HERC1: variants seen among roughly 807,000 people sequenced by gnomAD.
HERC1 encodes the protein probable E3 ubiquitin-protein ligase HERC1.
A neutral mutation model predicts 554.3 loss-of-function variants in HERC1; 160 were observed. The ratio of observed to expected loss-of-function variants is 0.29; its 90% CI spans 0.25 to 0.33. The LOEUF is 0.33. Among genes scored for constraint, HERC1 ranks in the 10% least tolerant of loss-of-function variants. The pLI, the probability that HERC1 is intolerant of heterozygous loss-of-function variation, is 1.00. For synonymous variants in HERC1, 2,175 were observed against 2,131.7 expected (o/e 1.02, Z -0.56); for missense variants, 4,919 against 5,918.5 (o/e 0.83, Z 5.54).
intron 1 of HERC1, among the ~76,000 whole-genome samples, chr15:63,822,748 T>C (rs892056985): frequency 2.0e-5 from 3 of 152,142 alleles, no homozygotes; most frequent in African/African-American, 4.8e-5. Context: ...GAGACTATTA[T>C]AATTACCCAC....
chr15:63,761,586 CAAAAA>C (rs11301389), intron 3 of HERC1, among the ~76,000 whole-genome samples: 1 of 119,248 alleles, frequency 8.4e-6, no homozygotes, highest in African/African-American at 3.1e-5. Context: ...AAGACTGTCT[CAAAAA>C]AAAAAAAAAA....
At chr15:63,655,579 C>G (rs993542510) in intron 50 of HERC1, among the ~76,000 whole-genome samples, 163 bp downstream of exon 50, 5 of 152,138 alleles carry the variant, frequency 3.3e-5, no homozygotes, top group African/African-American at 9.7e-5. Context: ...ATTTTCTAAT[C>G]TTTGTTTCCA....
rs74988373 is a variant in HERC1 at position 63,753,308 on chromosome 15, A to G, written c.1775-223T>C. Among the ~76,000 whole-genome samples the G allele has an allele frequency of 0.012, 1,844 of 152,304 alleles. 39 individuals carry two copies. The highest frequency in any genetic ancestry group is 0.043 in the African/African-American group (1,775 of 41,554). The stretch of plus-strand genomic sequence containing the variant: ...TATATCTTAATTTCAAGCAATTAAA[A>G]TCAAGCAATTTAAAATCACTTTAAA... On this transcript the variant is annotated intron_variant, in intron 7 of 77. Transcript: ENST00000443617.
chr15:63,638,994 T>C (rs531249876), intron 61 of HERC1, among the ~76,000 whole-genome samples: 8 of 152,352 alleles, frequency 5.3e-5, no homozygotes, highest in South Asian at 4.1e-4. Context: ...ACTATCACTA[T>C]GGCATTGGTG....
At chr15:63,724,411 C>T (rs540128058) in intron 18 of HERC1, among the ~76,000 whole-genome samples, 2 of 152,320 alleles carry the variant, frequency 1.3e-5, no homozygotes, top group East Asian at 1.9e-4. Flanking sequence ...TGAATGTACA[C>T]TCATATTTGG....
At chr15:63,631,529 A>G (rs1397733023) in intron 68 of HERC1, among the ~76,000 whole-genome samples, 2 of 151,754 alleles carry the variant, frequency 1.3e-5, no homozygotes, top group East Asian at 3.9e-4. Context: ...AGCTCTCCCA[A>G]TTCTTCTTCT....
rs1386418821 is a variant in HERC1 at position 63,754,632 on chromosome 15, A to C, written c.1647T>G (p.Asn549Lys). 1 of 1,613,100 alleles carries C rather than the reference A, an allele frequency of 6.2e-7. No homozygotes were observed. The highest frequency in any genetic ancestry group is 8.5e-7 in the Non-Finnish European group (1 of 1,179,568). ...TTACTAATGTTGGAATGTTACGACT[A>C]TTGCTGTCACCATGACCTTGGATAA... is the stretch of plus-strand genomic sequence containing the variant. ...DFGRLGHGDS[N>K]SRNIPTLVKD... is the part of the protein sequence containing the mutation. The change falls in exon 7 of 78, where the codon AAT becomes AAG. Residue 549 changes from asparagine to lysine, a missense_variant. By Grantham distance (94) the Asn-to-Lys change is moderately conservative. Coordinates refer to ENST00000443617, the MANE Select transcript of HERC1 (RefSeq NM_003922.4).
rs764494523 is a variant in HERC1, at chr15:63,638,505, T to C, written c.11999A>G (p.Tyr4000Cys). 1 of 1,613,886 alleles carries C rather than the reference T, an allele frequency of 6.2e-7. No homozygotes were observed. The highest frequency in any genetic ancestry group is 8.5e-7 in the Non-Finnish European group (1 of 1,179,824). Residue 4000 changes from tyrosine to cysteine, a missense_variant, in exon 63 of 78, where the codon TAC becomes TGC. This residue lies in a region of HERC1 where 122 missense variants were observed against 195.2 expected (regional missense o/e 0.63). Transcript: ENST00000443617. ...DWHLGGKCDV[Y>C]LWGAGRHGQL... ...TCCATGCCTACCAGCACCCCATAAG[T>C]AGACATCACATTTACCTCCCAGGTG...
At chr15:63,759,504 A>G (rs992447558) in intron 3 of HERC1, among the ~76,000 whole-genome samples, 1 of 152,214 alleles carries the variant, frequency 6.6e-6, no homozygotes, top group Non-Finnish European at 1.5e-5. Context: ...TTTTTGGCAA[A>G]CATAAATGAG....
Position 63,663,721 on chromosome 15 carries a change from A to G in HERC1, c.8681-517T>C, listed in dbSNP as rs577729171. ...TGATTTCTCCTGCCTCCACCTCCCA[A>G]AGTGCTGGGATTATAGGCATGAGCC... On this transcript the variant is annotated intron_variant, in intron 43 of 77. Transcript: ENST00000443617. Among the ~76,000 whole-genome samples, 7 of 152,296 alleles carry G rather than the reference A, an allele frequency of 4.6e-5. No homozygotes were observed. In the East Asian group the frequency reaches 1.3e-3, roughly 29 times the overall value.
In HERC1 at chr15:63,678,363, C is replaced by T; in HGVS notation, c.6552G>A (p.Val2184=). The T allele has an allele frequency of 6.3e-7, 1 of 1,585,582 alleles. No homozygotes were observed. Among genetic ancestry groups the T allele is most frequent in the Non-Finnish European group, 8.6e-7 (1 of 1,167,782 alleles). The change falls in exon 37 of 78, where the codon GTG becomes GTA. Residue 2184 remains valine (V), a splice_region_variant and synonymous_variant. Transcript: ENST00000443617. ...MFYSSNPGEK[V]KICDMQMRGT... is the part of the protein sequence containing the mutation. ...CACGCATCTGCATATCACAAATTTT[C>T]ACCTATATAAAAGTAAAGAGGGTGG...
Position 63,654,173 on chromosome 15 carries a change from C to T in HERC1, c.10236G>A (p.Met3412Ile), listed in dbSNP as rs1045884801. The change falls in exon 51 of 78, where the codon ATG becomes ATA. Residue 3412 changes from methionine (M) to isoleucine (I), a missense_variant. By Grantham distance (10) the Met-to-Ile change is conservative. Around this residue, in one of 11 missense-constraint regions of HERC1, gnomAD observed 1,963 missense variants for 2,228.6 expected, o/e 0.88. Coordinates refer to ENST00000443617, the MANE Select transcript of HERC1 (RefSeq NM_003922.4). Reference protein sequence around the residue: ...NQTTLQTLADMGGDLRKCSFI... With the variant: ...NQTTLQTLADIGGDLRKCSFI... ...AGGAGCATTTTCTAAGATCTCCTCC[C>T]ATATCAGCAAGTGTCTGCAGAGTAG... The T allele has an allele frequency of 1.2e-6, 2 of 1,613,896 alleles. No homozygotes were observed. Among genetic ancestry groups the T allele is most frequent in the African/African-American group, 2.7e-5 (2 of 74,940 alleles).
At chr15:63,645,231 T>C (rs1386546557) in intron 56 of HERC1, 134 bp from the exon 57 acceptor site, 1 of 730,778 alleles carries the variant, frequency 1.4e-6, no homozygotes, top group South Asian at 1.8e-5. Flanking sequence ...ACATACAATC[T>C]TTTACAAGAA....
intron 1 of HERC1, among the ~76,000 whole-genome samples, chr15:63,791,324 T>C (rs1375315196): frequency 6.6e-6 from 1 of 152,202 alleles, no homozygotes; most frequent in Non-Finnish European, 1.5e-5. Flanking sequence ...TGGTATATTA[T>C]GCTGGGACTC....
intron 2 of HERC1, among the ~76,000 whole-genome samples, chr15:63,773,631 TC>T (rs2076018976): frequency 1.3e-5 from 2 of 151,480 alleles, no homozygotes; most frequent in African/African-American, 2.4e-5. Flanking sequence ...GCAACCTCCG[TC>T]TCCTGGGTTC....
chr15:63,757,646 G>A (rs1018513338), intron 4 of HERC1, among the ~76,000 whole-genome samples: 3 of 152,106 alleles, frequency 2.0e-5, no homozygotes, highest in Non-Finnish European at 4.4e-5. Context: ...TAAAAATCGA[G>A]ATCCCAATTT....
intron 25 of HERC1, among the ~76,000 whole-genome samples, chr15:63,702,449 T>C (rs2072769912): frequency 6.6e-6 from 1 of 152,216 alleles, no homozygotes; most frequent in African/African-American, 2.4e-5. Flanking sequence ...ACTAATAAGA[T>C]TTCTGATGCT....
chr15:63,751,981 C>T (rs140789375), intron 8 of HERC1, among the ~76,000 whole-genome samples: 8 of 152,136 alleles, frequency 5.3e-5, no homozygotes, highest in Non-Finnish European at 1.2e-4. Context: ...AAAAAAGAAG[C>T]ACATGATGCT....
chr15:63,702,328 T>A (rs544883206), intron 25 of HERC1, among the ~76,000 whole-genome samples: 1 of 152,184 alleles, frequency 6.6e-6, no homozygotes, highest in Non-Finnish European at 1.5e-5. Context: ...CCCATACATG[T>A]TATACCATGA....
Sources: allele counts gnomAD v4.1 joint callset (sites outside exome capture counted in the v4.1 genomes callset), GRCh38; gene constraint gnomAD v4.1.1; regional missense constraint gnomAD v4.1.1; transcripts MANE v1.5; gene names NCBI Gene and HGNC (gene_info 2026-07-23, HGNC 2026-07-21).